The following DPP10 variants were observed in gnomAD, a reference collection of about 807,000 sequenced individuals.
The protein encoded by DPP10 is dipeptidyl peptidase like 10.
A neutral mutation model predicts 120.9 loss-of-function variants in DPP10; 33 were observed. The ratio of observed to expected loss-of-function variants is 0.27; its 90% CI spans 0.21 to 0.37. The LOEUF (loss-of-function observed/expected upper bound fraction) is 0.37, where lower values mean the gene tolerates loss of function less well. Among genes scored for constraint, DPP10 ranks in the 10% least tolerant of loss-of-function variants. DPP10 has a pLI of 1.00. For missense variants in DPP10, 816 were observed against 942.8 expected (o/e 0.87, Z 1.76); for synonymous variants, 337 against 326.1 (o/e 1.03, Z -0.36).
chr2:115,715,539 C>A (rs764635390), intron 7 of DPP10, among the ~76,000 whole-genome samples: 9 of 152,044 alleles, frequency 5.9e-5, no homozygotes, highest in Admixed American at 1.3e-4. Flanking sequence ...CATACCATAC[C>A]ATATTTGGTA....
chr2:114,940,504 G>A (rs1308071488), intron 1 of DPP10, among the ~76,000 whole-genome samples: 1 of 150,848 alleles, frequency 6.6e-6, no homozygotes, highest in Non-Finnish European at 1.5e-5. Flanking sequence ...AGTTAGTGTT[G>A]TGACAATCAG....
chr2:115,724,100 C>G (rs1236991281), intron 7 of DPP10, among the ~76,000 whole-genome samples: 3 of 152,110 alleles, frequency 2.0e-5, no homozygotes, highest in Non-Finnish European at 4.4e-5. Context: ...GAGAGTGCTG[C>G]TATTGTAGGT....
intron 1 of DPP10, among the ~76,000 whole-genome samples, chr2:115,080,248 C>T (rs1232824233): frequency 6.6e-6 from 1 of 152,154 alleles, no homozygotes; most frequent in South Asian, 2.1e-4. Flanking sequence ...GAACTCCTGA[C>T]CTTAAGTGAT....
At chr2:114,533,556 A>C (rs1339924316) in intron 1 of DPP10, among the ~76,000 whole-genome samples, 1 of 151,992 alleles carries the variant, frequency 6.6e-6, no homozygotes, top group Non-Finnish European at 1.5e-5. Flanking sequence ...GCAGCAAACC[A>C]CTATGGCACA....
intron 1 of DPP10, among the ~76,000 whole-genome samples, chr2:114,613,890 T>C (rs1007764650): frequency 2.0e-5 from 3 of 152,078 alleles, no homozygotes; most frequent in African/African-American, 7.2e-5. Flanking sequence ...ACACCACGTG[T>C]TCTCACTCAT....
chr2:115,725,748 G>T (rs1185020985), intron 7 of DPP10, among the ~76,000 whole-genome samples: 1 of 152,184 alleles, frequency 6.6e-6, no homozygotes, highest in Non-Finnish European at 1.5e-5. Flanking sequence ...TGCATGATCT[G>T]TGCTGTTATG....
intron 5 of DPP10, among the ~76,000 whole-genome samples, chr2:115,682,082 G>T (rs930446609): frequency 6.6e-6 from 1 of 151,792 alleles, no homozygotes; most frequent in African/African-American, 2.4e-5. Context: ...CTGTCCTATT[G>T]CAATATATTT....
intron 1 of DPP10, among the ~76,000 whole-genome samples, chr2:115,111,254 T>C (rs1009619584): frequency 4.6e-5 from 7 of 151,776 alleles, no homozygotes; most frequent in African/African-American, 1.7e-4. Context: ...TTTTTTTTTT[T>C]AAATTACGTT....
chr2:114,769,404 T>A (rs1032506283), intron 1 of DPP10, among the ~76,000 whole-genome samples: 1 of 152,104 alleles, frequency 6.6e-6, no homozygotes, highest in African/African-American at 2.4e-5. Context: ...GGTGTGATAT[T>A]GAAAAAAATA....
intron 2 of DPP10, among the ~76,000 whole-genome samples, chr2:115,337,063 A>G (rs2063182688): frequency 6.6e-6 from 1 of 152,030 alleles, no homozygotes; most frequent in Non-Finnish European, 1.5e-5. Flanking sequence ...GTTCCGTTGT[A>G]ACTATAAATT....
intron 1 of DPP10, among the ~76,000 whole-genome samples, chr2:114,704,089 T>C (rs528746146): frequency 6.6e-6 from 1 of 152,194 alleles, no homozygotes; most frequent in Admixed American, 6.6e-5. Flanking sequence ...TGGATGATGT[T>C]ATGGTGTTAT....
At chr2:114,589,990 T>A (rs1470610528) in intron 1 of DPP10, among the ~76,000 whole-genome samples, 1 of 151,834 alleles carries the variant, frequency 6.6e-6, no homozygotes, top group African/African-American at 2.4e-5. Context: ...CCTAATTCTT[T>A]AAAAAAAACT....
chr2:114,837,828 C>A (rs1046672089), intron 1 of DPP10, among the ~76,000 whole-genome samples: 4 of 152,110 alleles, frequency 2.6e-5, no homozygotes, highest in Admixed American at 2.6e-4. Context: ...GTTTTCTCAC[C>A]CACCTCTGCT....
intron 5 of DPP10, among the ~76,000 whole-genome samples, chr2:115,681,255 G>GT (rs536782750): frequency 2.6e-5 from 4 of 151,758 alleles, no homozygotes; most frequent in Non-Finnish European, 4.4e-5. Flanking sequence ...TAATTTTAGA[G>GT]TTTTTTATGG....
intron 1 of DPP10, among the ~76,000 whole-genome samples, chr2:115,208,583 C>A (rs528383469): frequency 1.3e-5 from 2 of 152,038 alleles, no homozygotes; most frequent in Non-Finnish European, 1.5e-5. Flanking sequence ...TATTATTTAC[C>A]AGTCTCCCTT....
intron 1 of DPP10, among the ~76,000 whole-genome samples, chr2:114,770,121 A>AG (rs1681117855): frequency 6.6e-6 from 1 of 152,182 alleles, no homozygotes; most frequent in South Asian, 2.1e-4. Context: ...AAAGACAAAG[A>AG]GAAAAAATAG....
intron 1 of DPP10, among the ~76,000 whole-genome samples, chr2:114,820,427 AT>A (rs1306021084): frequency 6.6e-6 from 1 of 152,350 alleles, no homozygotes; most frequent in East Asian, 1.9e-4. Context: ...CAGGTCTTTG[AT>A]TTTTGAAAGT....
intron 1 of DPP10, among the ~76,000 whole-genome samples, chr2:114,784,663 C>A (rs1244166050): frequency 6.6e-6 from 1 of 152,088 alleles, no homozygotes; most frequent in African/African-American, 2.4e-5. Flanking sequence ...CAGTTTGTCA[C>A]TCAGGGAACT....
At chr2:115,487,247 GA>G (rs2075832053) in intron 3 of DPP10, among the ~76,000 whole-genome samples, 1 of 135,566 alleles carries the variant, frequency 7.4e-6, no homozygotes, top group African/African-American at 2.8e-5. Flanking sequence ...ACAAATGGAA[GA>G]ACATTCCATG....
Sources: gnomAD v4.1 joint callset for allele counts (sites outside exome capture counted in the v4.1 genomes callset) on GRCh38, gnomAD v4.1.1 for gene constraint, MANE v1.5 for transcripts, NCBI Gene and HGNC (gene_info 2026-07-23, HGNC 2026-07-21) for gene names.